The following DGKB variants were observed in gnomAD, a reference collection of about 807,000 sequenced individuals.
DGKB encodes 90 kDa diacylglycerol kinase.
A neutral mutation model predicts 114.3 loss-of-function variants in DGKB; 67 were observed. The ratio of observed to expected loss-of-function variants is 0.59; its 90% CI spans 0.48 to 0.72. The LOEUF (loss-of-function observed/expected upper bound fraction) is 0.72. DGKB is among the 30% of genes least tolerant of loss of function. DGKB has a pLI of 0.00. For missense variants in DGKB, 907 were observed against 975.2 expected, an observed-to-expected ratio of 0.93 and a Z score of 0.93; for synonymous variants, 398 against 323.1, an observed-to-expected ratio of 1.23 and a Z score of -2.49.
chr7:14,665,637 G>C (rs1525087), intron 13 of DGKB, among the ~76,000 whole-genome samples: 4,659 of 152,002 alleles, frequency 0.031, 233 homozygotes, highest in African/African-American at 0.11. Flanking sequence ...TAATCTGCTT[G>C]ATTTTACTCT....
intron 21 of DGKB, among the ~76,000 whole-genome samples, chr7:14,358,622 C>T (rs1380172933): frequency 6.6e-6 from 1 of 152,122 alleles, no homozygotes; most frequent in African/African-American, 2.4e-5. Context: ...GATACAAAAT[C>T]AATGCACAAA....
At chr7:14,841,783 CA>C (rs1187124015) in intron 1 of DGKB, among the ~76,000 whole-genome samples, 1 of 152,144 alleles carries the variant, frequency 6.6e-6, no homozygotes, top group Non-Finnish European at 1.5e-5. Flanking sequence ...TGCTAGTTTA[CA>C]GTATAGACTG....
intron 1 of DGKB, among the ~76,000 whole-genome samples, chr7:14,857,719 TC>T (rs1422606351): frequency 6.6e-6 from 1 of 152,116 alleles, no homozygotes; most frequent in Non-Finnish European, 1.5e-5. Flanking sequence ...CTTTCCTTTT[TC>T]TTTTTTATAT....
At chr7:14,281,273 C>G (rs1799911836) in intron 23 of DGKB, among the ~76,000 whole-genome samples, 1 of 151,632 alleles carries the variant, frequency 6.6e-6, no homozygotes, top group Non-Finnish European at 1.5e-5. Context: ...AAGACCATTA[C>G]ATAATGGTAA....
intron 6 of DGKB, among the ~76,000 whole-genome samples, chr7:14,717,910 G>T (rs915426846): frequency 6.6e-6 from 1 of 152,102 alleles, no homozygotes; most frequent in East Asian, 1.9e-4. Flanking sequence ...AGCCACCAGA[G>T]AGAGCTCAGT....
chr7:14,317,523 C>T (rs1270344188), intron 23 of DGKB, among the ~76,000 whole-genome samples: 2 of 151,768 alleles, frequency 1.3e-5, no homozygotes. Flanking sequence ...CATGAGTGAA[C>T]TCCCATTCAC....
chr7:14,538,958 A>C (rs1289591296), intron 20 of DGKB, among the ~76,000 whole-genome samples: 1 of 152,176 alleles, frequency 6.6e-6, no homozygotes, highest in East Asian at 1.9e-4. Flanking sequence ...GTAAAATGGT[A>C]GTTACCAAGC....
In DGKB at chr7:14,499,435, A is replaced by G. The variant is rs1209797670; in HGVS notation, c.1771-21210T>C. ...ATATGGGTGAGTATTTGCTAGCATG[A>G]TCCACAAAAACATTATTGGCTATCA... On this transcript the variant is annotated intron_variant, in intron 20 of 25. Coordinates refer to ENST00000402815, the MANE Select transcript of DGKB (RefSeq NM_001350709.2). Among the ~76,000 whole-genome samples the G allele has an allele frequency of 1.1e-4, 16 of 151,772 alleles. No homozygotes were observed. The Admixed American group carries it at 1.1e-3, about 10-fold the overall frequency.
chr7:14,927,516 T>G (rs750108415), intron 1 of DGKB, among the ~76,000 whole-genome samples: 3 of 151,928 alleles, frequency 2.0e-5, no homozygotes, highest in Non-Finnish European at 4.4e-5. Context: ...ATTGAAACAT[T>G]TTAAAACTAT....
intron 20 of DGKB, among the ~76,000 whole-genome samples, chr7:14,549,674 T>C (rs1297760671): frequency 6.6e-6 from 1 of 152,108 alleles, no homozygotes. Flanking sequence ...AAAAGTTATC[T>C]GGTGAAAGGA....
intron 23 of DGKB, among the ~76,000 whole-genome samples, chr7:14,313,598 G>C (rs1038524841): frequency 1.3e-5 from 2 of 152,200 alleles, no homozygotes; most frequent in South Asian, 2.1e-4. Context: ...AGCGCACCAC[G>C]AGATTATATC....
intron 21 of DGKB, among the ~76,000 whole-genome samples, chr7:14,455,643 G>T (rs1284674474): frequency 6.6e-6 from 1 of 151,962 alleles, no homozygotes; most frequent in Non-Finnish European, 1.5e-5. Flanking sequence ...TGTGCACTCT[G>T]AGAAACAGCA....
chr7:14,349,723 AT>A (rs1174508382), intron 21 of DGKB, among the ~76,000 whole-genome samples: 11 of 152,116 alleles, frequency 7.2e-5, no homozygotes, highest in Admixed American at 6.6e-4. Flanking sequence ...GTTAAATTTT[AT>A]TTTTTTCAAC....
At chr7:14,573,936 G>A (rs1159162216) in intron 20 of DGKB, among the ~76,000 whole-genome samples, 1 of 151,904 alleles carries the variant, frequency 6.6e-6, no homozygotes, top group East Asian at 1.9e-4. Flanking sequence ...CTTCATTTTA[G>A]TAACACAAAT....
intron 5 of DGKB, among the ~76,000 whole-genome samples, chr7:14,719,838 G>C (rs1384028128): frequency 6.6e-6 from 1 of 152,140 alleles, no homozygotes; most frequent in Non-Finnish European, 1.5e-5. Flanking sequence ...TGCCTAATAT[G>C]TGGCTGAAAT....
intron 1 of DGKB, among the ~76,000 whole-genome samples, chr7:14,842,438 T>C (rs1848066370): frequency 6.6e-6 from 1 of 152,214 alleles, no homozygotes; most frequent in African/African-American, 2.4e-5. Context: ...TATGGTAGTT[T>C]AATATACAAT....
chr7:14,345,794 AAAGT>A (rs1242501400), intron 21 of DGKB, among the ~76,000 whole-genome samples: 2 of 151,700 alleles, frequency 1.3e-5, no homozygotes, highest in Non-Finnish European at 3.0e-5. Flanking sequence ...AATAACTAAG[AAAGT>A]AATAACAATA....
chr7:14,962,471 A>G lies in DGKB; in HGVS notation c.-188+12225T>C, dbSNP rs190247640. Reference sequence around the variant, plus strand: ...ATTCTGAGGTATAGAGTATGTGTTCATATTTATAAATAGACGCTTTTCATC... The same window carrying G: ...ATTCTGAGGTATAGAGTATGTGTTCGTATTTATAAATAGACGCTTTTCATC... On this transcript the variant is annotated intron_variant, in intron 1 of 4. Transcript: ENST00000437998. Among the ~76,000 whole-genome samples, 36 of 152,314 alleles carry G rather than the reference A, an allele frequency of 2.4e-4. 1 individual carries two copies. The highest frequency in any genetic ancestry group is 2.4e-3 in the Admixed American group (36 of 15,292).
At chr7:14,715,791 T>C (rs1342895057) in intron 6 of DGKB, among the ~76,000 whole-genome samples, 2 of 152,152 alleles carry the variant, frequency 1.3e-5, no homozygotes, top group South Asian at 2.1e-4. Flanking sequence ...TGTTATAACA[T>C]TGATAAGCAA....
Sources: allele counts gnomAD v4.1 joint callset (sites outside exome capture counted in the v4.1 genomes callset), GRCh38; gene constraint gnomAD v4.1.1; transcripts MANE v1.5; gene names NCBI Gene and HGNC (gene_info 2026-07-23, HGNC 2026-07-21).